Variants in PHYHIPL observed in about 807,000 individuals in gnomAD.
PHYHIPL encodes phytanoyl-CoA hydroxylase-interacting protein-like.
In PHYHIPL, 9 loss-of-function variants were observed where a neutral mutation model predicts 33.4. The ratio of observed to expected loss-of-function variants is 0.27; its 90% CI spans 0.16 to 0.47. The LOEUF (loss-of-function observed/expected upper bound fraction) is 0.47, where lower values mean the gene tolerates loss of function less well. Among genes scored for constraint, PHYHIPL ranks in the 20% least tolerant of loss-of-function variants. The probability of loss-of-function intolerance (pLI) is 0.99; values close to 1 mark genes in which losing one functional copy is unlikely to be tolerated. For synonymous variants in PHYHIPL, 153 were observed against 154.1 expected, an observed-to-expected ratio of 0.99 and a Z score of 0.05; for missense variants, 365 against 460.7, an observed-to-expected ratio of 0.79 and a Z score of 1.90.
chr10:59,199,377 T>A (rs1398506401), intron 1 of PHYHIPL, among the ~76,000 whole-genome samples: 1 of 152,076 alleles, frequency 6.6e-6, no homozygotes, highest in Non-Finnish European at 1.5e-5. Context: ...AGATGTGTGG[T>A]ATTATTTCTG....
At chr10:59,242,992 G>A (rs1840460089) in intron 4 of PHYHIPL, among the ~76,000 whole-genome samples, 1 of 152,086 alleles carries the variant, frequency 6.6e-6, no homozygotes, top group Non-Finnish European at 1.5e-5. Context: ...AGTATTCATA[G>A]AATTAATAGC....
Position 59,247,450 on chromosome 10 carries a change from C to A in PHYHIPL, c.*1859C>A. On this transcript the variant is annotated 3_prime_UTR_variant, in exon 5 of 5. Transcript: ENST00000373880. Reference sequence around the variant, plus strand: ...ATTCTTCCCCCCGTTTAAATCCCTTCTCCTTGTATATAATTAAACTTGCTA... The same window carrying A: ...ATTCTTCCCCCCGTTTAAATCCCTTATCCTTGTATATAATTAAACTTGCTA... The A allele has an allele frequency of 1.2e-6, 1 of 811,322 alleles. No homozygotes were observed. The allele number at this position is 811,322 out of a possible 1,614,324, so 50.3% of individuals were successfully genotyped here.
chr10:59,190,147 G>A (rs146711799), intron 1 of PHYHIPL, among the ~76,000 whole-genome samples: 9 of 151,810 alleles, frequency 5.9e-5, no homozygotes, highest in Non-Finnish European at 7.4e-5. Context: ...TGGTATAGTG[G>A]GAATTTAAAT....
chr10:59,232,461 T>G (rs1206038517), intron 1 of PHYHIPL, among the ~76,000 whole-genome samples: 1 of 151,940 alleles, frequency 6.6e-6, no homozygotes, highest in South Asian at 2.1e-4. Context: ...CTCTCGAATT[T>G]TAACAATCAG....
intron 1 of PHYHIPL, among the ~76,000 whole-genome samples, chr10:59,208,396 T>A (rs1460897203): frequency 1.3e-5 from 2 of 151,954 alleles, no homozygotes; most frequent in Non-Finnish European, 2.9e-5. Flanking sequence ...AAAAAGGACG[T>A]CCACACAGAA....
intron 1 of PHYHIPL, among the ~76,000 whole-genome samples, chr10:59,187,920 C>T (rs540285477): frequency 2.0e-5 from 3 of 152,296 alleles, no homozygotes; most frequent in Admixed American, 2.0e-4. Context: ...AAACCACCTC[C>T]TGGATTCATT....
intron 1 of PHYHIPL, among the ~76,000 whole-genome samples, chr10:59,229,282 ATAT>A (rs1204608794): frequency 1.3e-5 from 2 of 152,196 alleles, no homozygotes; most frequent in Non-Finnish European, 2.9e-5. Context: ...TAAAAGAGAA[ATAT>A]TATGTGGTTA....
intron 1 of PHYHIPL, among the ~76,000 whole-genome samples, chr10:59,220,014 T>C (rs1466939818): frequency 1.3e-5 from 2 of 152,136 alleles, no homozygotes; most frequent in African/African-American, 2.4e-5. Flanking sequence ...GTTCAGACCC[T>C]AAGTTCAATG....
intron 1 of PHYHIPL, among the ~76,000 whole-genome samples, chr10:59,228,499 A>T (rs991974991): frequency 2.0e-5 from 3 of 152,112 alleles, no homozygotes; most frequent in Admixed American, 1.3e-4. Flanking sequence ...ATTTTAAAGT[A>T]TTACAATATT....
At chr10:59,216,301 A>G (rs533008187) in intron 1 of PHYHIPL, among the ~76,000 whole-genome samples, 2 of 152,188 alleles carry the variant, frequency 1.3e-5, no homozygotes, top group Admixed American at 6.6e-5. Context: ...GAGAAACATT[A>G]TTGTACAAAG....
chr10:59,191,472 TAAC>T (rs1838782852), intron 1 of PHYHIPL, among the ~76,000 whole-genome samples: 1 of 152,032 alleles, frequency 6.6e-6, no homozygotes, highest in Non-Finnish European at 1.5e-5. Context: ...AGATTTGCAG[TAAC>T]TTCAGTCACT....
chr10:59,187,111 A>C (rs573316101), intron 1 of PHYHIPL, among the ~76,000 whole-genome samples: 81 of 152,306 alleles, frequency 5.3e-4, no homozygotes, highest in Non-Finnish European at 1.0e-3. Flanking sequence ...TGTCATAGAT[A>C]GCTCTTATTA....
intron 1 of PHYHIPL, among the ~76,000 whole-genome samples, chr10:59,228,050 T>C (rs1433212933): frequency 6.6e-6 from 1 of 150,824 alleles, no homozygotes; most frequent in East Asian, 1.9e-4. Flanking sequence ...AAAACTGTAA[T>C]TGGGAATACA....
intron 1 of PHYHIPL, among the ~76,000 whole-genome samples, chr10:59,189,877 G>A (rs1027134732): frequency 2.6e-5 from 4 of 151,916 alleles, no homozygotes; most frequent in Admixed American, 2.0e-4. Flanking sequence ...TTAAAATCAT[G>A]TATTCTGGGA....
intron 4 of PHYHIPL, among the ~76,000 whole-genome samples, chr10:59,243,027 C>A (rs1448996251): frequency 6.6e-6 from 1 of 151,174 alleles, no homozygotes; most frequent in African/African-American, 2.4e-5. Context: ...ATTTGCCAAA[C>A]AACATAAACA....
intron 1 of PHYHIPL, among the ~76,000 whole-genome samples, chr10:59,189,892 A>G (rs1838735319): frequency 6.6e-6 from 1 of 151,990 alleles, no homozygotes; most frequent in African/African-American, 2.4e-5. Flanking sequence ...CTGGGAATGC[A>G]TAGCATTTGG....
rs73294055 is a variant in PHYHIPL at position 59,180,375 on chromosome 10, C to T, written c.106+3416C>T. Among the ~76,000 whole-genome samples, 1,005 of 123,438 alleles carry T rather than the reference C, an allele frequency of 8.1e-3. 19 individuals are homozygous for T. Among genetic ancestry groups the T allele is most frequent in the African/African-American group, 0.03 (956 of 31,696 alleles). The allele number at this position is 123,438 out of a possible 152,430, so 81.0% of individuals were successfully genotyped here. A position where few individuals can be genotyped will look rare whatever the true frequency, so the allele number is the denominator to read the frequency against. On this transcript the variant is annotated intron_variant, in intron 1 of 4. Coordinates refer to ENST00000373880, the MANE Select transcript of PHYHIPL (RefSeq NM_032439.4). ...ATATATATATATACTTTTTCTTCCTCGTTGAACAGGAAAGATTTATCTACA... is the reference window on the plus strand; with the variant it reads ...ATATATATATATACTTTTTCTTCCTTGTTGAACAGGAAAGATTTATCTACA...
intron 1 of PHYHIPL, among the ~76,000 whole-genome samples, chr10:59,222,030 T>A (rs1051399127): frequency 2.0e-5 from 3 of 152,200 alleles, no homozygotes; most frequent in African/African-American, 7.2e-5. Flanking sequence ...ATCAGGAGGT[T>A]TCAGTACCCT....
chr10:59,241,401 G>C (rs1045775368), intron 4 of PHYHIPL, among the ~76,000 whole-genome samples: 8 of 151,984 alleles, frequency 5.3e-5, no homozygotes, highest in Non-Finnish European at 8.8e-5. Flanking sequence ...ATTCCTAAAT[G>C]AACATTACTT....
Sources: allele counts gnomAD v4.1 joint callset (sites outside exome capture counted in the v4.1 genomes callset), GRCh38; gene constraint gnomAD v4.1.1; transcripts MANE v1.5; gene names NCBI Gene and HGNC (gene_info 2026-07-23, HGNC 2026-07-21).